Variants in TMEM117 observed in about 807,000 individuals in gnomAD.
The protein encoded by TMEM117 is transmembrane protein 117.
In TMEM117, 27 loss-of-function variants were observed where a neutral mutation model predicts 52.4. That is an observed-to-expected ratio of 0.51 (90% CI 0.38 to 0.71). The LOEUF is 0.71. TMEM117 is among the 30% of genes least tolerant of loss of function. The probability of loss-of-function intolerance (pLI) is 0.00; values close to 1 mark genes in which losing one functional copy is unlikely to be tolerated. For synonymous variants in TMEM117, 215 were observed against 206.3 expected (o/e 1.04, Z -0.36); for missense variants, 556 against 630.5 (o/e 0.88, Z 1.26).
chr12:43,898,465 T>C (rs1235205329), intron 2 of TMEM117, among the ~76,000 whole-genome samples: 1 of 151,800 alleles, frequency 6.6e-6, no homozygotes, highest in East Asian at 1.9e-4. Context: ...CTATTAAGAA[T>C]AGGTTAATAA....
At chr12:43,877,991 A>T (rs1943832842) in intron 2 of TMEM117, among the ~76,000 whole-genome samples, 1 of 152,148 alleles carries the variant, frequency 6.6e-6, no homozygotes, top group African/African-American at 2.4e-5. Context: ...CTGTGAAAGG[A>T]TACACTCAAG....
At chr12:43,892,054 C>T (rs918837879) in intron 2 of TMEM117, among the ~76,000 whole-genome samples, 4 of 152,122 alleles carry the variant, frequency 2.6e-5, no homozygotes, top group Non-Finnish European at 5.9e-5. Flanking sequence ...TCAAAATACT[C>T]CTGGTATCAG....
chr12:44,092,686 C>T lies in TMEM117; in HGVS notation c.411-50839C>T, dbSNP rs185588793. Among the ~76,000 whole-genome samples the T allele has an allele frequency of 1.5e-3, 223 of 152,230 alleles. 2 individuals are homozygous for T. The highest frequency in any genetic ancestry group is 5.1e-3 in the African/African-American group (210 of 41,546). On this transcript the variant is annotated intron_variant, in intron 3 of 7. Coordinates refer to ENST00000266534, the MANE Select transcript of TMEM117 (RefSeq NM_032256.3). ...CACACTATAGAAAACCAGACGTCTA[C>T]CCAGAGAACTCAAGTGGCATGGAAA...
intron 3 of TMEM117, among the ~76,000 whole-genome samples, chr12:44,139,739 A>G (rs767231277): frequency 1.3e-5 from 2 of 152,172 alleles, no homozygotes; most frequent in African/African-American, 2.4e-5. Flanking sequence ...AATAACTTTA[A>G]TTGTGCCTCT....
chr12:43,938,770 T>A (rs1325027450), intron 2 of TMEM117, among the ~76,000 whole-genome samples: 2 of 151,606 alleles, frequency 1.3e-5, no homozygotes, highest in African/African-American at 4.9e-5. Context: ...AAGGCCAAGG[T>A]GGATGGATAG....
chr12:44,152,226 AATATAATTATAT>A (rs1948744287), intron 4 of TMEM117, among the ~76,000 whole-genome samples: 1 of 105,864 alleles, frequency 9.4e-6, no homozygotes, highest in South Asian at 3.2e-4. Flanking sequence ...ATATATTATA[AATATAATTATAT>A]ATATAATTAT....
At chr12:44,368,784 C>T (rs1339922354) in intron 6 of TMEM117, among the ~76,000 whole-genome samples, 1 of 152,146 alleles carries the variant, frequency 6.6e-6, no homozygotes, top group African/African-American at 2.4e-5. Flanking sequence ...AGAGCCTGAA[C>T]AAGAACACAA....
At chr12:44,103,641 C>G (rs542796235) in intron 3 of TMEM117, among the ~76,000 whole-genome samples, 52 of 152,062 alleles carry the variant, frequency 3.4e-4, no homozygotes, top group Non-Finnish European at 5.3e-4. Context: ...CTGAGATTGG[C>G]TCCTCAAGGA....
chr12:44,105,463 C>G (rs1312872561), intron 3 of TMEM117, among the ~76,000 whole-genome samples: 2 of 151,852 alleles, frequency 1.3e-5, no homozygotes, highest in African/African-American at 4.8e-5. Flanking sequence ...ATATTTGACT[C>G]TGATTCTGAT....
chr12:44,080,455 C>A (rs866996601), intron 3 of TMEM117, among the ~76,000 whole-genome samples: 1 of 152,024 alleles, frequency 6.6e-6, no homozygotes, highest in African/African-American at 2.4e-5. Context: ...TCCCATGACA[C>A]GTGGAGATTA....
At chr12:44,153,196 C>T (rs1393637659) in intron 4 of TMEM117, among the ~76,000 whole-genome samples, 2 of 151,894 alleles carry the variant, frequency 1.3e-5, no homozygotes, top group Middle Eastern at 3.2e-3. Context: ...GGTGGAGACA[C>T]TGAAGCTTAG....
intron 5 of TMEM117, among the ~76,000 whole-genome samples, chr12:44,251,583 A>G (rs1950197530): frequency 6.6e-6 from 1 of 152,172 alleles, no homozygotes; most frequent in African/African-American, 2.4e-5. Flanking sequence ...TCATTACTTT[A>G]TATGTAAGAT....
chr12:44,355,385 C>G (rs560569396), intron 6 of TMEM117, among the ~76,000 whole-genome samples: 1 of 151,960 alleles, frequency 6.6e-6, no homozygotes, highest in Non-Finnish European at 1.5e-5. Flanking sequence ...TAGTCTTTAT[C>G]CTGGTTATTC....
chr12:44,110,280 T>G (rs896963479), intron 3 of TMEM117, among the ~76,000 whole-genome samples: 1 of 149,920 alleles, frequency 6.7e-6, no homozygotes, highest in African/African-American at 2.5e-5. Flanking sequence ...CCCTGTCTTG[T>G]GCCAGTTTTC....
intron 3 of TMEM117, among the ~76,000 whole-genome samples, chr12:44,138,700 A>G (rs1220357578): frequency 2.6e-5 from 4 of 152,174 alleles, no homozygotes; most frequent in African/African-American, 4.8e-5. Flanking sequence ...TTTTTGTGAC[A>G]TTCCAGGGGA....
intron 6 of TMEM117, among the ~76,000 whole-genome samples, chr12:44,315,716 G>T (rs1206783601): frequency 3.3e-5 from 5 of 152,054 alleles, no homozygotes. Context: ...AGGAGTATTT[G>T]TATTATTAAT....
chr12:43,977,691 C>G (rs917978322), intron 3 of TMEM117, among the ~76,000 whole-genome samples: 1 of 152,088 alleles, frequency 6.6e-6, no homozygotes, highest in Admixed American at 6.6e-5. Flanking sequence ...TGGACACATT[C>G]TACTGTGGCC....
rs375025367 is a variant in TMEM117, at chr12:44,141,843, CTTGATG to C, written c.411-1681_411-1676del. The stretch of plus-strand genomic sequence containing the variant: ...ATTCAACATGAATTGAAACTCAAGA[CTTGATG>C]GTTGCTCTGGAGAGCTAAAGGTTCT... On this transcript the variant is annotated intron_variant, in intron 3 of 7. Coordinates refer to ENST00000266534, the MANE Select transcript of TMEM117 (RefSeq NM_032256.3). Among the ~76,000 whole-genome samples, 811 of 152,232 alleles carry C rather than the reference CTTGATG, an allele frequency of 5.3e-3. 10 individuals carry two copies. Among genetic ancestry groups the C allele is most frequent in the African/African-American group, 0.018 (749 of 41,544 alleles).
chr12:44,167,616 G>C (rs1331423467), intron 4 of TMEM117, among the ~76,000 whole-genome samples: 1 of 152,014 alleles, frequency 6.6e-6, no homozygotes, highest in African/African-American at 2.4e-5. Flanking sequence ...GCAGTGAGCT[G>C]AGATTGCACC....
Sources: allele counts gnomAD v4.1 joint callset (sites outside exome capture counted in the v4.1 genomes callset), GRCh38; gene constraint gnomAD v4.1.1; transcripts MANE v1.5; gene names NCBI Gene and HGNC (gene_info 2026-07-23, HGNC 2026-07-21).